GRIN2B: variants seen among roughly 807,000 people sequenced by gnomAD.
GRIN2B encodes the protein glutamate receptor ionotropic, NMDA 2B.
A neutral mutation model predicts 114.5 loss-of-function variants in GRIN2B; 5 were observed. The observed-to-expected ratio is 0.04, with a 90% CI of 0.02 to 0.09. The LOEUF (loss-of-function observed/expected upper bound fraction) is 0.09. GRIN2B is among the 10% of genes least tolerant of loss of function. The pLI is 1.00. For missense variants in GRIN2B, 1,108 were observed against 1,943.5 expected, an observed-to-expected ratio of 0.57 and a Z score of 8.08; for synonymous variants, 787 against 745.1, an observed-to-expected ratio of 1.06 and a Z score of -0.92.
At chr12:13,675,338 C>T (rs1156364911) in intron 5 of GRIN2B, among the ~76,000 whole-genome samples, 3 of 152,090 alleles carry the variant, frequency 2.0e-5, no homozygotes, top group Admixed American at 6.6e-5. Flanking sequence ...GGGAATCCTT[C>T]AATCACAATA....
intron 8 of GRIN2B, among the ~76,000 whole-genome samples, chr12:13,614,319 C>T (rs190517787): frequency 1.4e-4 from 21 of 152,302 alleles, no homozygotes; most frequent in Non-Finnish European, 2.9e-4. Context: ...CTTAGAGAGA[C>T]GGTGACTCGT....
At chr12:13,633,028 G>A (rs1261365391) in intron 5 of GRIN2B, among the ~76,000 whole-genome samples, 1 of 152,186 alleles carries the variant, frequency 6.6e-6, no homozygotes, top group African/African-American at 2.4e-5. Flanking sequence ...GCTGTCAGGT[G>A]ACATTTCACT....
chr12:13,812,835 C>A (rs1864757748), intron 3 of GRIN2B, among the ~76,000 whole-genome samples: 1 of 151,730 alleles, frequency 6.6e-6, no homozygotes, highest in African/African-American at 2.4e-5. Context: ...AACGTGACAA[C>A]TGTAGACATC....
chr12:13,956,350 C>T (rs955998544), intron 2 of GRIN2B, among the ~76,000 whole-genome samples: 3 of 152,128 alleles, frequency 2.0e-5, no homozygotes, highest in Admixed American at 6.5e-5. Context: ...TAAAGGCTTC[C>T]GAGGAGGCAG....
intron 2 of GRIN2B, among the ~76,000 whole-genome samples, chr12:13,931,176 G>A (rs1867024278): frequency 6.6e-6 from 1 of 152,092 alleles, no homozygotes; most frequent in Non-Finnish European, 1.5e-5. Flanking sequence ...AAGACCCAGT[G>A]GCATTTATTT....
intron 2 of GRIN2B, among the ~76,000 whole-genome samples, chr12:13,896,120 C>T (rs1565578751): frequency 6.6e-6 from 1 of 152,044 alleles, no homozygotes; most frequent in Admixed American, 6.6e-5. Context: ...AACAGAGGAT[C>T]GCAGTGTGAT....
At chr12:13,943,750 G>T (rs1408802261) in intron 2 of GRIN2B, among the ~76,000 whole-genome samples, 3 of 152,024 alleles carry the variant, frequency 2.0e-5, no homozygotes, top group Non-Finnish European at 4.4e-5. Context: ...GCCTTTCCTG[G>T]CCCCTCTACC....
intron 3 of GRIN2B, among the ~76,000 whole-genome samples, chr12:13,789,254 G>A (rs1342053379): frequency 6.6e-6 from 1 of 152,264 alleles, no homozygotes; most frequent in East Asian, 1.9e-4. Flanking sequence ...CACTGGCAAC[G>A]GTGCAATAAT....
At chr12:13,588,047 A>C (rs1447030864) in intron 10 of GRIN2B, among the ~76,000 whole-genome samples, 1 of 152,238 alleles carries the variant, frequency 6.6e-6, no homozygotes, top group Non-Finnish European at 1.5e-5. Flanking sequence ...TCACCTACCT[A>C]GTGGGAAGTT....
At position 13,909,681 on chromosome 12, in the gene GRIN2B, G is replaced by C. The variant is rs182345361; in HGVS notation, c.-18-43455C>G. ...AATGGGACAAAGACTAGAAAGACTC[G>C]GGAAGAAAAAGGATAAGAAAGTGCC... is the stretch of plus-strand genomic sequence containing the variant. On this transcript the variant is annotated intron_variant, in intron 2 of 13. Coordinates refer to ENST00000609686, the MANE Select transcript of GRIN2B (RefSeq NM_000834.5). Among the ~76,000 whole-genome samples, 3 of 152,102 alleles carry C rather than the reference G, an allele frequency of 2.0e-5. No individual in the cohort carries two copies. In the East Asian group the frequency reaches 5.8e-4, roughly 29 times the overall value.
chr12:13,728,826 G>C (rs1190225568), intron 4 of GRIN2B, among the ~76,000 whole-genome samples: 2 of 152,170 alleles, frequency 1.3e-5, no homozygotes, highest in Non-Finnish European at 1.5e-5. Context: ...TTTAACTCTA[G>C]TCAGAATGCC....
At chr12:13,969,030 G>A (rs1867835581) in intron 2 of GRIN2B, among the ~76,000 whole-genome samples, 1 of 152,250 alleles carries the variant, frequency 6.6e-6, no homozygotes, top group Non-Finnish European at 1.5e-5. Flanking sequence ...TATATTTACA[G>A]AATGGTAGGG....
chr12:13,631,736 C>T (rs1009567506), intron 5 of GRIN2B, among the ~76,000 whole-genome samples: 4 of 152,180 alleles, frequency 2.6e-5, no homozygotes, highest in African/African-American at 9.7e-5. Context: ...TTGCACAGTG[C>T]TAAGTGGCCT....
In GRIN2B at chr12:13,564,037, G is replaced by T. The variant is rs929166123; in HGVS notation, c.3201C>A (p.Thr1067=). The part of the protein sequence containing the change: ...RSDVSDISTH[T]VTYGNIEGNA... ...TGCCCTCGATGTTCCCATAGGTGAC[G>T]GTGTGGGTTGAGATGTCAGAGACAT... Residue 1067 remains threonine (T), a synonymous_variant, in exon 14 of 14, where the codon ACC becomes ACA. Coordinates refer to ENST00000609686, the MANE Select transcript of GRIN2B (RefSeq NM_000834.5). This position sits in a 1 kb window ranked among gnomAD's most constrained non-coding sequence, Gnocchi z 4.8. 1 of 1,614,226 alleles carries T rather than the reference G, an allele frequency of 6.2e-7. No homozygotes were observed. Among genetic ancestry groups the T allele is most frequent in the Non-Finnish European group, 8.5e-7 (1 of 1,180,032 alleles).
At position 13,547,981 on chromosome 12, in the gene GRIN2B, A is replaced by ATATATATT; in HGVS notation, c.*14801_*14802insAATATATA. 104 of 68,580 alleles carry ATATATATT rather than the reference A, an allele frequency of 1.5e-3. 1 individual carries two copies. Among genetic ancestry groups the ATATATATT allele is most frequent in the African/African-American group, 4.5e-3 (98 of 21,772 alleles). 4.2% of individuals were successfully genotyped at this position (68,580 alleles called of 1,614,324 possible). On this transcript the variant is annotated 3_prime_UTR_variant, in exon 14 of 14. Transcript: ENST00000609686. The stretch of plus-strand genomic sequence containing the variant: ...TGTGTATATATATATATATATATAT[A>ATATATATT]TTTTTTTTTTTTTTCTGAAAGCTAC...
chr12:13,695,444 G>C (rs533480288), intron 4 of GRIN2B, among the ~76,000 whole-genome samples: 10 of 152,292 alleles, frequency 6.6e-5, no homozygotes, highest in African/African-American at 2.4e-4. Context: ...GCAAGCTTCA[G>C]GCTTCACCAG....
At chr12:13,833,141 T>C (rs1362090956) in intron 3 of GRIN2B, among the ~76,000 whole-genome samples, 1 of 152,186 alleles carries the variant, frequency 6.6e-6, no homozygotes, top group African/African-American at 2.4e-5. Context: ...ACATATGATA[T>C]GGTATTAAAA....
chr12:13,741,749 G>T (rs553651685), intron 4 of GRIN2B, among the ~76,000 whole-genome samples: 5 of 152,034 alleles, frequency 3.3e-5, no homozygotes, highest in Admixed American at 1.3e-4. Context: ...TTATAAAGAC[G>T]GGGTTTTTGC....
intron 5 of GRIN2B, among the ~76,000 whole-genome samples, chr12:13,623,428 G>A (rs151163137): frequency 3.4e-4 from 52 of 152,320 alleles, no homozygotes; most frequent in African/African-American, 1.2e-3. Context: ...GCACAAGAGC[G>A]CATCCTGCTC....
Sources: allele counts gnomAD v4.1 joint callset (sites outside exome capture counted in the v4.1 genomes callset), GRCh38; gene constraint gnomAD v4.1.1; non-coding constraint Gnocchi (gnomAD v3.1); transcripts MANE v1.5; gene names NCBI Gene and HGNC (gene_info 2026-07-23, HGNC 2026-07-21).